Variants in TLR6 observed in about 807,000 individuals in gnomAD.
TLR6 encodes the protein toll-like receptor 6.
A neutral mutation model predicts 16.1 loss-of-function variants in TLR6; 9 were observed. The ratio of observed to expected loss-of-function variants is 0.56; its 90% confidence interval spans 0.34 to 0.98. The LOEUF is 0.98. TLR6 is among the 50% of genes least tolerant of loss of function. The pLI is 0.02. For synonymous variants in TLR6, 340 were observed against 338.6 expected (o/e 1.00, Z -0.04); for missense variants, 786 against 921.0 (o/e 0.85, Z 1.90).
chr4:38,866,009 C>T, the TLR6 span, among the ~76,000 whole-genome samples: 90 of 151,710 alleles, frequency 5.9e-4, no homozygotes, highest in Admixed American at 1.2e-3. Context: ...TGTGGTGGCA[C>T]GCACCTGTAA....
rs1727580678 is a variant in TLR6, at chr4:38,827,155, A to G, written c.2319T>C (p.Phe773=). 3 of 1,614,072 alleles carry G rather than the reference A, an allele frequency of 1.9e-6. No homozygotes were observed. The South Asian group carries it at 3.3e-5, about 18-fold the overall frequency. ...TAAAAGCGGCTCTAATGTTAGCCCA[A>G]AAGAGCCCACGTTTGCTTTTCTCCT... Residue 773 remains phenylalanine (F), a synonymous_variant, in exon 2 of 2, where the codon TTT becomes TTC. Coordinates refer to ENST00000436693, the Ensembl canonical transcript of TLR6.
exon 2 of TLR6, chr4:38,827,521 A>G: frequency 6.2e-7 from 1 of 1,614,220 alleles, no homozygotes; most frequent in Non-Finnish European, 8.5e-7. Context: ...AGGCAGAATC[A>G]TGTTCACTAT....
At chr4:38,858,192 A>G (rs147516165), upstream of TLR6, among the ~76,000 whole-genome samples, 24 of 152,322 alleles carry the variant, frequency 1.6e-4, no homozygotes, top group African/African-American at 5.8e-4. Context: ...AACAGACAGT[A>G]CTGGGCCGAA....
At chr4:38,850,924 C>CA (rs944088969) in intron 1 of TLR6, among the ~76,000 whole-genome samples, 2 of 151,912 alleles carry the variant, frequency 1.3e-5, no homozygotes. Context: ...AGAGACACAA[C>CA]AAAAAAAGAG....
upstream of TLR6, among the ~76,000 whole-genome samples, chr4:38,857,597 A>G (rs1291240522): frequency 2.6e-5 from 4 of 152,154 alleles, no homozygotes; most frequent in African/African-American, 9.7e-5. Flanking sequence ...GACAGAAGGC[A>G]TGAGTGAAAC....
At chr4:38,844,472 T>C (rs1216825159) in intron 1 of TLR6, among the ~76,000 whole-genome samples, 3 of 152,110 alleles carry the variant, frequency 2.0e-5, no homozygotes, top group African/African-American at 7.2e-5. Context: ...ACATTGTGAG[T>C]AAAAGTATTT....
At chr4:38,848,219 G>A (rs947448330) in intron 1 of TLR6, among the ~76,000 whole-genome samples, 4 of 152,190 alleles carry the variant, frequency 2.6e-5, no homozygotes, top group Admixed American at 6.5e-5. Flanking sequence ...TGCAGCTGAG[G>A]GTCCTGACTG....
chr4:38,826,757 C>A, exon 2 of TLR6: 1 of 188,106 alleles, frequency 5.3e-6, no homozygotes. Flanking sequence ...TGTTCCCTTG[C>A]TGCCATGAAG....
At chr4:38,835,139 TAA>T (rs1233891856) in intron 1 of TLR6, among the ~76,000 whole-genome samples, 2 of 152,202 alleles carry the variant, frequency 1.3e-5, no homozygotes, top group Non-Finnish European at 2.9e-5. Context: ...ACCTTGAATG[TAA>T]AAAGATTAAC....
the TLR6 span, among the ~76,000 whole-genome samples, chr4:38,865,346 T>C: frequency 6.6e-6 from 1 of 152,240 alleles, no homozygotes; most frequent in African/African-American, 2.4e-5. Flanking sequence ...CTGGTAGTCC[T>C]GGAAGCAGCT....
At chr4:38,833,917 A>T (rs1217681384) in intron 1 of TLR6, among the ~76,000 whole-genome samples, 1 of 152,084 alleles carries the variant, frequency 6.6e-6, no homozygotes, top group African/African-American at 2.4e-5. Flanking sequence ...AAAAAATATA[A>T]TCAAGAGCTT....
At chr4:38,841,030 T>C (rs760988160) in intron 1 of TLR6, among the ~76,000 whole-genome samples, 14 of 152,210 alleles carry the variant, frequency 9.2e-5, no homozygotes, top group Non-Finnish European at 1.2e-4. Flanking sequence ...ATATACTTTT[T>C]CTTCTTAATT....
At chr4:38,840,585 G>A (rs188072264) in intron 1 of TLR6, among the ~76,000 whole-genome samples, 6 of 150,422 alleles carry the variant, frequency 4.0e-5, no homozygotes, top group Non-Finnish European at 8.8e-5. Flanking sequence ...AATGAGCCGA[G>A]ATCGCGCCAT....
chr4:38,868,026 G>A, the TLR6 span: 2 of 423,014 alleles, frequency 4.7e-6, no homozygotes, highest in Non-Finnish European at 9.6e-6. Context: ...GGGGCGGCGC[G>A]GCCGAGGGAC....
At chr4:38,831,533 T>C (rs5743790) in intron 1 of TLR6, among the ~76,000 whole-genome samples, 61,159 of 152,002 alleles carry the variant, frequency 0.4, 13,702 homozygotes, top group African/African-American at 0.61. Context: ...AAAATTAAAA[T>C]TTTTGCTTTG....
In TLR6 at chr4:38,827,054, G is replaced by T. The variant is rs200689482; in HGVS notation, c.*29C>A. On this transcript the variant is annotated 3_prime_UTR_variant, in exon 2 of 2. Transcript: ENST00000436693. ...TTCACCATCATCCAAGTAAATAATG[G>T]TTTCTTAAGTTGAATTTCCTAAATT... 146 of 1,488,120 alleles carry T rather than the reference G, an allele frequency of 9.8e-5. No homozygotes were observed. In the African/African-American group the frequency reaches 1.7e-3, roughly 18 times the overall value. The allele number at this position is 1,488,120 out of a possible 1,614,324, so 92.2% of individuals were successfully genotyped here. A position where few individuals can be genotyped will look rare whatever the true frequency, so the allele number is the denominator to read the frequency against.
At chr4:38,823,033 T>C (rs1300779039), downstream of TLR6, among the ~76,000 whole-genome samples, 1 of 151,912 alleles carries the variant, frequency 6.6e-6, no homozygotes, top group Non-Finnish European at 1.5e-5. Flanking sequence ...GCAGGGAAAC[T>C]CCCCCTTAAA....
At chr4:38,837,418 A>G (rs1711985610) in intron 1 of TLR6, among the ~76,000 whole-genome samples, 1 of 152,180 alleles carries the variant, frequency 6.6e-6, no homozygotes, top group Non-Finnish European at 1.5e-5. Flanking sequence ...CCAGAAATTA[A>G]TCCACATATT....
intron 1 of TLR6, among the ~76,000 whole-genome samples, chr4:38,835,427 C>A (rs542721259): frequency 6.6e-6 from 1 of 152,246 alleles, no homozygotes; most frequent in East Asian, 1.9e-4. Context: ...TATAACAATT[C>A]TAAGTATATA....
Sources: gnomAD v4.1 joint callset for allele counts (sites outside exome capture counted in the v4.1 genomes callset) on GRCh38, gnomAD v4.1.1 for gene constraint, MANE v1.5 for transcripts, NCBI Gene and HGNC (gene_info 2026-07-23, HGNC 2026-07-21) for gene names.